PTPRE: variants seen among roughly 807,000 people sequenced by gnomAD.
PTPRE encodes receptor-type tyrosine-protein phosphatase epsilon.
Under a neutral mutation model 102.0 loss-of-function variants are expected in PTPRE, and 51 were observed. That is an observed-to-expected ratio of 0.50 (90% CI 0.40 to 0.63). PTPRE has a LOEUF of 0.63. Among genes scored for constraint, PTPRE ranks in the 30% least tolerant of loss-of-function variants. The pLI, the probability that PTPRE is intolerant of heterozygous loss-of-function variation, is 0.00. For synonymous variants in PTPRE, 345 were observed against 348.2 expected, an observed-to-expected ratio of 0.99 and a Z score of 0.10; for missense variants, 752 against 915.1, an observed-to-expected ratio of 0.82 and a Z score of 2.30.
chr10:127,918,090 G>T (rs141567066), intron 1 of PTPRE, among the ~76,000 whole-genome samples: 3 of 152,202 alleles, frequency 2.0e-5, no homozygotes, highest in African/African-American at 7.2e-5. Context: ...AGGGGGTGAT[G>T]TCTCCTGCTC....
chr10:127,938,727 T>G (rs922906012), intron 1 of PTPRE, among the ~76,000 whole-genome samples: 1 of 152,200 alleles, frequency 6.6e-6, no homozygotes, highest in Non-Finnish European at 1.5e-5. Flanking sequence ...GTGTGTAAAT[T>G]GATAAAATTA....
chr10:127,990,988 G>A (rs141158575), intron 2 of PTPRE, among the ~76,000 whole-genome samples: 1 of 152,280 alleles, frequency 6.6e-6, no homozygotes, highest in Non-Finnish European at 1.5e-5. Context: ...ACTGTTCTGA[G>A]GGCCATTCTG....
intron 5 of PTPRE, 53 bp from the exon 6 acceptor site, chr10:128,049,477 C>T (rs1052209766): frequency 1.1e-5 from 17 of 1,596,630 alleles, no homozygotes; most frequent in Middle Eastern, 3.3e-4. Context: ...GTTACTCAGT[C>T]GCCTATCCAG....
chr10:127,907,381 C>A lies in PTPRE; in HGVS notation c.-31+72C>A, dbSNP rs1589700236. On this transcript the variant is annotated intron_variant, in intron 1 of 20. Transcript: ENST00000254667. The surrounding 1 kb of genome is among the most constrained non-coding windows in gnomAD (Gnocchi z 4.8). ...TGCACCCCGGGAGGCCCAAGCAGGCCGGGGCGCTGCCTCGGCCGCTGCCGC... is the reference window on the plus strand; with the variant it reads ...TGCACCCCGGGAGGCCCAAGCAGGCAGGGGCGCTGCCTCGGCCGCTGCCGC... 5.1e-6 allele frequency: 5 copies of A among 972,210 alleles called. No individual in the cohort carries two copies. The South Asian group carries it at 1.9e-4, about 37-fold the overall frequency. The allele number at this position is 972,210 out of a possible 1,614,324, so 60.2% of individuals were successfully genotyped here. A position where few individuals can be genotyped will look rare whatever the true frequency, so the allele number is the denominator to read the frequency against.
At position 128,070,258 on chromosome 10, in the gene PTPRE, C is replaced by T. The variant is rs770540664; in HGVS notation, c.1144-43C>T. The T allele has an allele frequency of 1.9e-6, 3 of 1,558,868 alleles. No individual in the cohort carries two copies. The Admixed American group carries it at 5.6e-5, about 29-fold the overall frequency. ...CCAAGCTCCACGTGGGCCAAGACTG[C>T]AGGGCAGAGTTGAGGGTGTGGGCAC... is the stretch of plus-strand genomic sequence containing the variant. On this transcript the variant is annotated intron_variant, in intron 13 of 20. Transcript: ENST00000254667. This position sits in a 1 kb window ranked among gnomAD's most constrained non-coding sequence, Gnocchi z 4.8.
At chr10:127,976,346 C>A (rs1851177547) in intron 1 of PTPRE, among the ~76,000 whole-genome samples, 1 of 152,164 alleles carries the variant, frequency 6.6e-6, no homozygotes, top group Non-Finnish European at 1.5e-5. Flanking sequence ...TGGAAACCAG[C>A]AGACACTCGT....
chr10:127,907,388 CT>C lies in PTPRE; in HGVS notation c.-31+80del. ...CGGGAGGCCCAAGCAGGCCGGGGCG[CT>C]GCCTCGGCCGCTGCCGCGGGAGGGA... On this transcript the variant is annotated intron_variant, in intron 1 of 20. Coordinates refer to ENST00000254667, the MANE Select transcript of PTPRE (RefSeq NM_006504.6). The surrounding 1 kb of genome is among the most constrained non-coding windows in gnomAD (Gnocchi z 4.8). 1.0e-6 allele frequency: 1 copy of C among 952,888 alleles called. No individual in the cohort carries two copies. The highest frequency in any genetic ancestry group is 1.2e-6 in the Non-Finnish European group (1 of 800,820). The allele number at this position is 952,888 out of a possible 1,614,324, so 59.0% of individuals were successfully genotyped here.
Position 128,076,775 on chromosome 10 carries a change from C to T in PTPRE, c.1725+47C>T, listed in dbSNP as rs774163101. The T allele has an allele frequency of 4.9e-5, 79 of 1,604,362 alleles. No homozygotes were observed. In the Admixed American group the frequency reaches 9.7e-4, roughly 20 times the overall value. On this transcript the variant is annotated intron_variant, in intron 18 of 20. Coordinates refer to ENST00000254667, the MANE Select transcript of PTPRE (RefSeq NM_006504.6). ...AAACGCTTGTGAATTTAGTGAACCACGCCCTCCCTCTGGGTTCTGCTTGTC... is the reference window on the plus strand; with the variant it reads ...AAACGCTTGTGAATTTAGTGAACCATGCCCTCCCTCTGGGTTCTGCTTGTC...
chr10:128,063,929 C>G (rs1397454514), intron 10 of PTPRE, among the ~76,000 whole-genome samples: 1 of 152,186 alleles, frequency 6.6e-6, no homozygotes, highest in East Asian at 1.9e-4. Flanking sequence ...CTGAGGGACA[C>G]TTACCACAGG....
intron 1 of PTPRE, chr10:127,964,832 C>T (rs939797283): frequency 9.8e-6 from 3 of 305,460 alleles, no homozygotes; most frequent in South Asian, 2.8e-5. Context: ...TTTCAGTAAG[C>T]GCTTGCAGCC....
chr10:127,996,564 A>C (rs1323406264), intron 2 of PTPRE, among the ~76,000 whole-genome samples: 1 of 152,044 alleles, frequency 6.6e-6, no homozygotes, highest in African/African-American at 2.4e-5. Context: ...TGACTGTGGC[A>C]CCTCACTGGA....
intron 2 of PTPRE, among the ~76,000 whole-genome samples, chr10:128,040,484 C>G (rs35432559): frequency 0.19 from 28,587 of 151,864 alleles, 2,905 homozygotes; most frequent in Admixed American, 0.22. Flanking sequence ...GTAGAGTTAG[C>G]AGGGCGAGTG....
chr10:127,929,217 AT>A (rs1311095905), intron 1 of PTPRE, among the ~76,000 whole-genome samples: 8 of 152,216 alleles, frequency 5.3e-5, no homozygotes, highest in Non-Finnish European at 1.2e-4. Context: ...GGCTTATGTA[AT>A]TAGGTTCAGT....
In PTPRE at chr10:128,082,979, T is replaced by G; in HGVS notation, c.*73T>G. On this transcript the variant is annotated 3_prime_UTR_variant, in exon 21 of 21. Transcript: ENST00000254667. The stretch of plus-strand genomic sequence containing the variant: ...GTAAAAATCATGTTAATTTATTTCA[T>G]AGTTGACATTAATATCTTCCCTAAT... The G allele has an allele frequency of 7.5e-7, 1 of 1,336,166 alleles. No individual in the cohort carries two copies. Among genetic ancestry groups the G allele is most frequent in the Non-Finnish European group, 9.9e-7 (1 of 1,010,652 alleles). 82.8% of individuals were successfully genotyped at this position (1,336,166 alleles called of 1,614,324 possible).
chr10:128,022,466 G>A (rs937963882), intron 2 of PTPRE, among the ~76,000 whole-genome samples: 8 of 152,206 alleles, frequency 5.3e-5, no homozygotes, highest in Non-Finnish European at 1.0e-4. Context: ...TGGCAGCTTT[G>A]GAATCGACGG....
intron 2 of PTPRE, among the ~76,000 whole-genome samples, chr10:128,012,334 G>C (rs543915282): frequency 5.7e-4 from 87 of 152,182 alleles, no homozygotes; most frequent in Non-Finnish European, 1.0e-3. Context: ...GGTCACTCAA[G>C]AGTCCAGCAA....
chr10:128,034,949 A>G (rs11016030), intron 2 of PTPRE, among the ~76,000 whole-genome samples: 55,332 of 152,102 alleles, frequency 0.36, 10,727 homozygotes, highest in East Asian at 0.56. Context: ...ATTTTCAGAT[A>G]ATCAATACAA....
chr10:128,000,760 A>C (rs763696300), intron 2 of PTPRE, among the ~76,000 whole-genome samples: 2 of 152,210 alleles, frequency 1.3e-5, no homozygotes, highest in African/African-American at 2.4e-5. Flanking sequence ...TACAAAGTGA[A>C]GGAGGCCCTA....
At chr10:127,995,822 A>AGC (rs1554913126) in intron 2 of PTPRE, among the ~76,000 whole-genome samples, 1 of 100,412 alleles carries the variant, frequency 1.0e-5, no homozygotes, top group Non-Finnish European at 1.9e-5. Flanking sequence ...ACTCTACACG[A>AGC]GCACACACAC....
Sources: gnomAD v4.1 joint callset for allele counts (sites outside exome capture counted in the v4.1 genomes callset) on GRCh38, gnomAD v4.1.1 for gene constraint, Gnocchi (gnomAD v3.1) non-coding constraint, MANE v1.5 for transcripts, NCBI Gene and HGNC (gene_info 2026-07-23, HGNC 2026-07-21) for gene names.